The following GALNT13 variants were observed in gnomAD, a reference collection of about 807,000 sequenced individuals.
GALNT13 encodes the protein polypeptide N-acetylgalactosaminyltransferase 13, also known as UDP-GalNAc:polypeptide N-acetylgalactosaminyltransferase 13.
GALNT13 carries 28 observed loss-of-function variants against 64.2 expected under a neutral mutation model. The ratio of observed to expected loss-of-function variants is 0.44; its 90% confidence interval spans 0.32 to 0.60. The LOEUF (loss-of-function observed/expected upper bound fraction) is 0.60, where lower values mean the gene tolerates loss of function less well. Among genes scored for constraint, GALNT13 ranks in the 20% least tolerant of loss-of-function variants. The pLI is 0.05. For synonymous variants in GALNT13, 214 were observed against 224.6 expected (o/e 0.95, Z 0.42); for missense variants, 577 against 669.8 (o/e 0.86, Z 1.53).
chr2:153,436,436 C>T, the GALNT13 span, among the ~76,000 whole-genome samples: 133,349 of 152,148 alleles, frequency 0.88, 58,825 homozygotes, highest in African/African-American at 0.97. Context: ...TGGTAGAATT[C>T]GGCTGTGAAT....
At chr2:154,335,209 A>G (rs934044807) in intron 9 of GALNT13, among the ~76,000 whole-genome samples, 1 of 149,832 alleles carries the variant, frequency 6.7e-6, no homozygotes, top group African/African-American at 2.4e-5. Flanking sequence ...TTTGGGGTAT[A>G]ATATTTTCTT....
chr2:153,252,946 G>A, the GALNT13 span, among the ~76,000 whole-genome samples: 8 of 151,770 alleles, frequency 5.3e-5, no homozygotes, highest in Non-Finnish European at 1.0e-4. Context: ...TTGACTTGGC[G>A]ATGCAGGCTC....
At chr2:154,213,752 AAGAT>A (rs915712293) in intron 4 of GALNT13, among the ~76,000 whole-genome samples, 35 of 152,342 alleles carry the variant, frequency 2.3e-4, no homozygotes, top group African/African-American at 7.9e-4. Context: ...TTTTTATAAC[AAGAT>A]AGATAATGCT....
Position 154,300,098 on chromosome 2 carries a change from T to TA in GALNT13, c.976-1311_976-1310insA, listed in dbSNP as rs1693346947. On this transcript the variant is annotated intron_variant, in intron 8 of 12. Coordinates refer to ENST00000392825, the MANE Select transcript of GALNT13 (RefSeq NM_052917.4). ...GATAGTTTTTTTTTCTTTCTTTCTC[T>TA]CTTTTTTTTTTTTTTTTTTGAGATA... Among the ~76,000 whole-genome samples the TA allele has an allele frequency of 1.2e-4, 9 of 74,158 alleles. No homozygotes were observed. The South Asian group carries it at 5.1e-3, about 42-fold the overall frequency. The allele number at this position is 74,158 out of a possible 152,430, so 48.7% of individuals were successfully genotyped here.
At chr2:153,767,771 T>C in the GALNT13 span, among the ~76,000 whole-genome samples, 294 of 151,678 alleles carry the variant, frequency 1.9e-3, 1 homozygote, top group Admixed American at 5.0e-3. Flanking sequence ...GTGTAGTTCA[T>C]GTTCTTTGCT....
At chr2:154,303,250 G>T (rs1693545854) in intron 9 of GALNT13, among the ~76,000 whole-genome samples, 1 of 152,012 alleles carries the variant, frequency 6.6e-6, no homozygotes, top group African/African-American at 2.4e-5. Context: ...ACCAGAGTCG[G>T]ATGCGCGCGA....
chr2:153,080,505 A>T, the GALNT13 span, among the ~76,000 whole-genome samples: 3 of 152,098 alleles, frequency 2.0e-5, no homozygotes. Context: ...AGAGTGCTGT[A>T]TTAGTTCTAA....
At chr2:153,221,585 C>G in the GALNT13 span, among the ~76,000 whole-genome samples, 1 of 152,174 alleles carries the variant, frequency 6.6e-6, no homozygotes. Context: ...GAGTTTTGCT[C>G]GGGCCTGCTT....
At chr2:154,421,201 TA>T (rs1377741996) in intron 11 of GALNT13, among the ~76,000 whole-genome samples, 1 of 152,052 alleles carries the variant, frequency 6.6e-6, no homozygotes, top group Non-Finnish European at 1.5e-5. Context: ...GAAATGAAGA[TA>T]TTTGATATAT....
the GALNT13 span, among the ~76,000 whole-genome samples, chr2:153,176,114 A>G: frequency 6.6e-6 from 1 of 152,208 alleles, no homozygotes; most frequent in Non-Finnish European, 1.5e-5. Context: ...GAAATATTTC[A>G]AGGAAGAGGA....
At chr2:153,129,379 G>A in the GALNT13 span, among the ~76,000 whole-genome samples, 2 of 152,104 alleles carry the variant, frequency 1.3e-5, no homozygotes, top group African/African-American at 2.4e-5. Flanking sequence ...ATGATTTCTA[G>A]AAACAATTCA....
chr2:153,723,683 A>G, the GALNT13 span, among the ~76,000 whole-genome samples: 1 of 152,136 alleles, frequency 6.6e-6, no homozygotes, highest in African/African-American at 2.4e-5. Flanking sequence ...GAGCCAAATC[A>G]TGAGTGAACT....
the GALNT13 span, among the ~76,000 whole-genome samples, chr2:153,333,160 C>T: frequency 3.3e-5 from 5 of 152,204 alleles, no homozygotes; most frequent in African/African-American, 1.2e-4. Context: ...ATGCACCTAC[C>T]ATAAAAATAA....
the GALNT13 span, among the ~76,000 whole-genome samples, chr2:153,379,151 A>C: frequency 1.3e-5 from 2 of 152,184 alleles, no homozygotes; most frequent in African/African-American, 4.8e-5. Flanking sequence ...ATCTTTTTAA[A>C]TTTTAAATAA....
At chr2:153,664,331 C>T in the GALNT13 span, among the ~76,000 whole-genome samples, 1 of 152,184 alleles carries the variant, frequency 6.6e-6, no homozygotes, top group Non-Finnish European at 1.5e-5. Flanking sequence ...CTCCTATTCA[C>T]TTTTTGCAAA....
At chr2:154,247,105 A>T (rs1036441631) in intron 7 of GALNT13, among the ~76,000 whole-genome samples, 28 of 152,086 alleles carry the variant, frequency 1.8e-4, no homozygotes, top group Admixed American at 5.2e-4. Flanking sequence ...TTGTTACTGA[A>T]CAATTAAATA....
chr2:153,860,330 T>G, the GALNT13 span, among the ~76,000 whole-genome samples: 1 of 152,252 alleles, frequency 6.6e-6, no homozygotes, highest in Non-Finnish European at 1.5e-5. Context: ...TTTCATATAT[T>G]AGCCACTTTA....
the GALNT13 span, among the ~76,000 whole-genome samples, chr2:153,808,053 T>C: frequency 6.6e-6 from 1 of 152,170 alleles, no homozygotes; most frequent in African/African-American, 2.4e-5. Context: ...TAGGAGCACA[T>C]GGAACAAAGT....
intron 3 of GALNT13, among the ~76,000 whole-genome samples, chr2:153,976,284 G>T (rs1467475265): frequency 1.3e-5 from 2 of 152,018 alleles, no homozygotes; most frequent in African/African-American, 4.8e-5. Context: ...TAATCAATCT[G>T]CTTTACAATG....
Sources: allele counts gnomAD v4.1 joint callset (sites outside exome capture counted in the v4.1 genomes callset), GRCh38; gene constraint gnomAD v4.1.1; transcripts MANE v1.5; gene names NCBI Gene and HGNC (gene_info 2026-07-23, HGNC 2026-07-21).